The following TRPC5 variants were observed in gnomAD, a reference collection of about 807,000 sequenced individuals.
TRPC5 encodes the protein short transient receptor potential channel 5.
A neutral mutation model predicts 56.5 loss-of-function variants in TRPC5; 9 were observed. The ratio of observed to expected loss-of-function variants is 0.16; its 90% CI spans 0.10 to 0.28. The LOEUF (loss-of-function observed/expected upper bound fraction) is 0.28, where lower values mean the gene tolerates loss of function less well. Ranked by LOEUF, TRPC5 falls within the 10% of genes least tolerant of loss-of-function variation. TRPC5 has a pLI of 1.00. For missense variants in TRPC5, 469 were observed against 748.9 expected (o/e 0.63, Z 4.36); for synonymous variants, 282 against 278.5 (o/e 1.01, Z -0.13).
At chrX:112,038,405 C>T (rs752439286) in intron 1 of TRPC5, among the ~76,000 whole-genome samples, 15 of 111,824 alleles carry the variant, frequency 1.3e-4, no homozygotes, top group African/African-American at 3.9e-4. Flanking sequence ...CAGCAATGCC[C>T]TCAGAACCTA....
At chrX:111,808,303 T>C (rs1205818707) in intron 7 of TRPC5, among the ~76,000 whole-genome samples, 3 of 110,440 alleles carry the variant, frequency 2.7e-5, no homozygotes, top group Non-Finnish European at 3.8e-5. Context: ...ATCTACCTGG[T>C]GCTCTATTTT....
chrX:112,054,128 G>C (rs1188796499), intron 1 of TRPC5, among the ~76,000 whole-genome samples: 1 of 111,668 alleles, frequency 9.0e-6, no homozygotes, highest in Non-Finnish European at 1.9e-5. Flanking sequence ...AATAGGTGAG[G>C]CTTGATTGTG....
chrX:111,857,385 G>A (rs1923270867), intron 3 of TRPC5, among the ~76,000 whole-genome samples: 1 of 111,644 alleles, frequency 9.0e-6, no homozygotes, highest in African/African-American at 3.3e-5. Context: ...TAATGGATGG[G>A]GTGTGGGAGG....
At position 111,768,691 on chromosome X, in the gene TRPC5, T is replaced by A. The variant is rs986424220; in HGVS notation, c.*7622A>T. 8.9e-6 allele frequency among the ~76,000 whole-genome samples: 1 copy of A among 112,117 alleles called. No homozygotes were observed. Among genetic ancestry groups the A allele is most frequent in the African/African-American group, 3.2e-5 (1 of 30,880 alleles). ...TAATTTGAACACTTAATTTTAAAGT[T>A]AATTTATCGAATTGAATTTCCTTTT... On this transcript the variant is annotated 3_prime_UTR_variant, in exon 11 of 11. Transcript: ENST00000262839.
At chrX:112,047,304 C>T (rs915986485) in intron 1 of TRPC5, among the ~76,000 whole-genome samples, 1 of 111,514 alleles carries the variant, frequency 9.0e-6, no homozygotes, top group Non-Finnish European at 1.9e-5. Context: ...AAGTGGTTTT[C>T]AGGCTTTATA....
intron 7 of TRPC5, among the ~76,000 whole-genome samples, chrX:111,785,217 G>A (rs1412166626): frequency 8.9e-6 from 1 of 112,016 alleles, no homozygotes; most frequent in Non-Finnish European, 1.9e-5. Flanking sequence ...AATATTTGCT[G>A]TTCTGCAGTA....
chrX:112,071,309 AAAAT>A (rs199726256), intron 1 of TRPC5, among the ~76,000 whole-genome samples: 380 of 105,226 alleles, frequency 3.6e-3, no homozygotes, highest in Non-Finnish European at 5.6e-3. Context: ...CCCTGTCTCA[AAAAT>A]AAATAAATAA....
chrX:112,043,661 A>G (rs1929954267), intron 1 of TRPC5, among the ~76,000 whole-genome samples: 2 of 106,505 alleles, frequency 1.9e-5, no homozygotes, highest in Admixed American at 9.9e-5. Flanking sequence ...AAAAAAAAAA[A>G]AAGCTAGAGA....
intron 3 of TRPC5, among the ~76,000 whole-genome samples, chrX:111,863,576 C>A (rs1343102350): frequency 3.6e-5 from 4 of 112,090 alleles, no homozygotes; most frequent in Admixed American, 9.5e-5. Flanking sequence ...AATTTTAATT[C>A]TTCCTTTCCA....
intron 5 of TRPC5, among the ~76,000 whole-genome samples, chrX:111,847,882 T>C (rs1922977296): frequency 9.0e-6 from 1 of 110,782 alleles, no homozygotes; most frequent in South Asian, 4.0e-4. Flanking sequence ...CTGAGCACCA[T>C]GGACAACGTG....
chrX:112,040,706 T>C (rs1303362639), intron 1 of TRPC5, among the ~76,000 whole-genome samples: 1 of 111,875 alleles, frequency 8.9e-6, no homozygotes, highest in Non-Finnish European at 1.9e-5. Flanking sequence ...CAATCTCTTC[T>C]ACCAACTACC....
At position 111,935,952 on chromosome X, in the gene TRPC5, G is replaced by A. The variant is rs1016161351; in HGVS notation, c.378+16091C>T. ...CTCAGGATGGCTTTGGCTATTTTGG[G>A]TCTTCTGTTGTTCTAAACATATTTT... On this transcript the variant is annotated intron_variant, in intron 2 of 10. Transcript: ENST00000262839. Among the ~76,000 whole-genome samples the A allele has an allele frequency of 2.7e-5, 3 of 111,329 alleles. No homozygotes were observed. The Admixed American group carries it at 2.9e-4, about 11-fold the overall frequency.
At chrX:111,823,020 A>G (rs1405879306) in intron 7 of TRPC5, among the ~76,000 whole-genome samples, 1 of 111,877 alleles carries the variant, frequency 8.9e-6, no homozygotes, top group Admixed American at 9.5e-5. Context: ...TCCTCATCCC[A>G]TTTCCACTTG....
chrX:111,879,438 T>G (rs1225902098), intron 3 of TRPC5, among the ~76,000 whole-genome samples: 1 of 112,145 alleles, frequency 8.9e-6, no homozygotes. Context: ...TGAGAATAAG[T>G]AAAATCCCTG....
chrX:111,887,758 C>T (rs901248510), intron 3 of TRPC5, among the ~76,000 whole-genome samples: 1 of 112,012 alleles, frequency 8.9e-6, no homozygotes, highest in Non-Finnish European at 1.9e-5. Flanking sequence ...TTAGTCCTTA[C>T]AAATTATTAG....
intron 3 of TRPC5, among the ~76,000 whole-genome samples, chrX:111,900,927 T>C (rs764847909): frequency 1.8e-5 from 2 of 111,410 alleles, no homozygotes; most frequent in Admixed American, 9.6e-5. Context: ...CACAAATATA[T>C]ACTTACTCAG....
At chrX:111,896,834 G>C (rs1463316162) in intron 3 of TRPC5, among the ~76,000 whole-genome samples, 1 of 111,489 alleles carries the variant, frequency 9.0e-6, no homozygotes, top group East Asian at 2.8e-4. Context: ...TGTGATCATG[G>C]GCAAATTACT....
rs761350890 is a variant in TRPC5 at position 112,019,505 on chromosome X, G to A, written c.-22+62374C>T. On this transcript the variant is annotated intron_variant, in intron 1 of 10. Coordinates refer to ENST00000262839, the MANE Select transcript of TRPC5 (RefSeq NM_012471.3). Reference sequence around the variant, plus strand: ...GGCTGGAGTGCAGTGGCGCGATCTCGGCTCACTGCAAGCTCCGCCTCGCGG... The same window carrying A: ...GGCTGGAGTGCAGTGGCGCGATCTCAGCTCACTGCAAGCTCCGCCTCGCGG... 4.8e-4 allele frequency among the ~76,000 whole-genome samples: 52 copies of A among 109,127 alleles called. 1 individual carries two copies. The highest frequency in any genetic ancestry group is 1.6e-3 in the African/African-American group (48 of 30,018). The allele number at this position is 109,127 out of a possible 115,157, so 94.8% of individuals were successfully genotyped here. A position where few individuals can be genotyped will look rare whatever the true frequency, so the allele number is the denominator to read the frequency against.
chrX:111,803,405 A>T (rs763527100), intron 7 of TRPC5, among the ~76,000 whole-genome samples: 2 of 112,314 alleles, frequency 1.8e-5, no homozygotes, highest in Non-Finnish European at 3.8e-5. Flanking sequence ...TGTATTTCTC[A>T]TTCTAGATCC....
Sources: gnomAD v4.1 joint callset for allele counts (sites outside exome capture counted in the v4.1 genomes callset) on GRCh38, gnomAD v4.1.1 for gene constraint, MANE v1.5 for transcripts, NCBI Gene and HGNC (gene_info 2026-07-23, HGNC 2026-07-21) for gene names.